KANK1: variants seen among roughly 807,000 people sequenced by gnomAD.
The protein encoded by KANK1 is KN motif and ankyrin repeat domains 1, also known as KN motif and ankyrin repeat domain-containing protein 1.
Under a neutral mutation model 106.2 loss-of-function variants are expected in KANK1, and 109 were observed. The ratio of observed to expected loss-of-function variants is 1.03; its 90% CI spans 0.88 to 1.20. The LOEUF (loss-of-function observed/expected upper bound fraction) is 1.20, where lower values mean the gene tolerates loss of function less well. Ranked by LOEUF, KANK1 falls within the 50% of genes most tolerant of loss-of-function variation. The pLI, the probability that KANK1 is intolerant of heterozygous loss-of-function variation, is 0.00. For missense variants in KANK1, 2,399 were observed against 1,710.7 expected (o/e 1.40, Z -7.10); for synonymous variants, 873 against 652.2 (o/e 1.34, Z -5.16).
chr9:700,829 CGTCA>C (rs997436383), intron 2 of KANK1, among the ~76,000 whole-genome samples: 2 of 152,104 alleles, frequency 1.3e-5, no homozygotes, highest in African/African-American at 2.4e-5. Flanking sequence ...TTCACAGCAC[CGTCA>C]GTCAGTAACT....
Position 676,907 on chromosome 9 carries a change from A to C in KANK1, c.-66A>C, listed in dbSNP as rs931821072. The C allele has an allele frequency of 7.5e-7, 1 of 1,325,524 alleles. No individual in the cohort carries two copies. Among genetic ancestry groups the C allele is most frequent in the Non-Finnish European group, 1.1e-6 (1 of 926,208 alleles). The allele number at this position is 1,325,524 out of a possible 1,614,324, so 82.1% of individuals were successfully genotyped here. A position where few individuals can be genotyped will look rare whatever the true frequency, so the allele number is the denominator to read the frequency against. On this transcript the variant is annotated 5_prime_UTR_variant, in exon 2 of 12. Transcript: ENST00000382297. ...TGTTTCAGGTTGAATGCCTTTGAGA[A>C]CTTGATGCATAAAATTTGCATGACT...
chr9:507,227 C>T (rs1378633318), intron 1 of KANK1, among the ~76,000 whole-genome samples: 1 of 151,590 alleles, frequency 6.6e-6, no homozygotes, highest in Non-Finnish European at 1.5e-5. Context: ...GTGGCACATG[C>T]ACCTGTAGTC....
At chr9:680,183 T>C (rs899047249) in intron 2 of KANK1, among the ~76,000 whole-genome samples, 1 of 152,164 alleles carries the variant, frequency 6.6e-6, no homozygotes, top group African/African-American at 2.4e-5. Flanking sequence ...CATGTGACGA[T>C]GGAGTCAGGG....
At chr9:611,116 C>G (rs185486838) in intron 1 of KANK1, among the ~76,000 whole-genome samples, 168 of 152,270 alleles carry the variant, frequency 1.1e-3, no homozygotes, top group African/African-American at 3.8e-3. Context: ...TCCCCAAGAC[C>G]TGAAGGGACG....
chr9:731,487 G>A (rs547842209), intron 5 of KANK1: 25 of 393,326 alleles, frequency 6.4e-5, no homozygotes, highest in East Asian at 3.7e-4. Flanking sequence ...GAAGCTGAGC[G>A]GTTTACATCT....
chr9:566,878 T>G (rs1371569376), intron 1 of KANK1, among the ~76,000 whole-genome samples: 4 of 152,230 alleles, frequency 2.6e-5, no homozygotes, highest in African/African-American at 9.6e-5. Flanking sequence ...TGTCAATTTT[T>G]GCTTTTGTTG....
chr9:549,514 A>G (rs1165551372), intron 1 of KANK1: 3 of 152,232 alleles, frequency 2.0e-5, no homozygotes, highest in Admixed American at 6.5e-5. Flanking sequence ...CTTCAAAATA[A>G]AAAACTAGCA....
chr9:680,431 C>T (rs1817311410), intron 2 of KANK1, among the ~76,000 whole-genome samples: 2 of 152,154 alleles, frequency 1.3e-5, no homozygotes, highest in African/African-American at 4.8e-5. Flanking sequence ...TTAAAACGAG[C>T]TATTCATTAA....
At chr9:651,984 T>A (rs1840980127) in intron 1 of KANK1, among the ~76,000 whole-genome samples, 1 of 152,182 alleles carries the variant, frequency 6.6e-6, no homozygotes, top group South Asian at 2.1e-4. Flanking sequence ...TTCAAAGCAA[T>A]AAATTTAGGA....
upstream of KANK1, among the ~76,000 whole-genome samples, chr9:503,951 TCCG>T (rs902261526): frequency 1.3e-5 from 2 of 152,070 alleles, no homozygotes; most frequent in Admixed American, 1.3e-4. Flanking sequence ...TCCTCCCCTT[TCCG>T]CCGAGGACTC....
rs1228331442 is a variant in KANK1, at chr9:654,805, G to C, written c.-83-22085G>C. Among the ~76,000 whole-genome samples, 3 of 98,928 alleles carry C rather than the reference G, an allele frequency of 3.0e-5. No homozygotes were observed. In the East Asian group the frequency reaches 1.5e-3, roughly 50 times the overall value. 64.9% of individuals were successfully genotyped at this position (98,928 alleles called of 152,430 possible). A position where few individuals can be genotyped will look rare whatever the true frequency, so the allele number is the denominator to read the frequency against. On this transcript the variant is annotated intron_variant, in intron 1 of 11. Transcript: ENST00000382297. ...GCATAGTCACAATATGCATTTGTGT[G>C]TGTGTGTGTGAGAGAGAGAGAGAGA...
chr9:728,031 A>G (rs935700100), intron 3 of KANK1, among the ~76,000 whole-genome samples: 1 of 152,148 alleles, frequency 6.6e-6, no homozygotes, highest in Non-Finnish European at 1.5e-5. Flanking sequence ...CATTAACATT[A>G]AAACAGAGAT....
Position 679,831 on chromosome 9 carries a change from T to G in KANK1, c.37+2822T>G, listed in dbSNP as rs10975767. On this transcript the variant is annotated intron_variant, in intron 2 of 11. Transcript: ENST00000382297. ...TTTTTTATATAGTTGTCAAATGTTA[T>G]ATATTTCACATGGTTGAGAATATGT... 3.3e-5 allele frequency among the ~76,000 whole-genome samples: 5 copies of G among 152,260 alleles called. No individual in the cohort carries two copies. The East Asian group carries it at 9.6e-4, about 29-fold the overall frequency.
chr9:519,997 A>G (rs892935187), intron 1 of KANK1, among the ~76,000 whole-genome samples: 7 of 151,814 alleles, frequency 4.6e-5, no homozygotes, highest in African/African-American at 1.7e-4. Flanking sequence ...TTCTAGACTT[A>G]ATGAGCCACT....
upstream of KANK1, among the ~76,000 whole-genome samples, chr9:501,613 T>TACACAC (rs60211646): frequency 0.022 from 3,286 of 148,510 alleles, 85 homozygotes; most frequent in African/African-American, 0.064. Flanking sequence ...CGCACAGACA[T>TACACAC]ACACACACAC....
chr9:730,262 C>T lies in KANK1; in HGVS notation c.2896+14C>T. The stretch of plus-strand genomic sequence containing the variant: ...CTGGCCTCTATGGTAACTTTTCTCA[C>T]TCACAGTCATTGGCATCAGGATTCT... On this transcript the variant is annotated intron_variant, in intron 4 of 11. Transcript: ENST00000382297. The T allele has an allele frequency of 1.2e-6, 2 of 1,613,272 alleles. No individual in the cohort carries two copies. Among genetic ancestry groups the T allele is most frequent in the African/African-American group, 2.7e-5 (2 of 75,022 alleles).
At chr9:611,900 A>G (rs1830645048) in intron 1 of KANK1, among the ~76,000 whole-genome samples, 1 of 152,004 alleles carries the variant, frequency 6.6e-6, no homozygotes, top group Non-Finnish European at 1.5e-5. Context: ...TTGTATGTTT[A>G]GTAGAGATGG....
At chr9:682,203 C>G (rs1418775790) in intron 2 of KANK1, among the ~76,000 whole-genome samples, 7 of 151,722 alleles carry the variant, frequency 4.6e-5, no homozygotes. Flanking sequence ...TTGCTTGAAC[C>G]CGGGAGACGA....
intron 1 of KANK1, among the ~76,000 whole-genome samples, chr9:564,913 A>C (rs2134551314): frequency 6.6e-6 from 1 of 152,312 alleles, no homozygotes. Flanking sequence ...TGACTGCATG[A>C]AGTGGGAAAT....
Sources: gnomAD v4.1 joint callset for allele counts (sites outside exome capture counted in the v4.1 genomes callset) on GRCh38, gnomAD v4.1.1 for gene constraint, MANE v1.5 for transcripts, NCBI Gene and HGNC (gene_info 2026-07-23, HGNC 2026-07-21) for gene names.